USP31: variants seen among roughly 807,000 people sequenced by gnomAD.
USP31 encodes the protein ubiquitin carboxyl-terminal hydrolase 31.
Under a neutral mutation model 119.4 loss-of-function variants are expected in USP31, and 44 were observed. That is an observed-to-expected ratio of 0.37 (90% confidence interval 0.29 to 0.47). USP31 has a LOEUF of 0.47. Ranked by LOEUF, USP31 falls within the 20% of genes least tolerant of loss-of-function variation. The pLI is 0.99. For missense variants in USP31, 1,643 were observed against 1,730.2 expected (o/e 0.95, Z 0.89); for synonymous variants, 749 against 705.6 (o/e 1.06, Z -0.97).
intron 15 of USP31, among the ~76,000 whole-genome samples, chr16:23,071,677 C>T (rs1900351859): frequency 6.6e-6 from 1 of 151,996 alleles, no homozygotes; most frequent in Admixed American, 6.5e-5. Context: ...CGACTCCCCA[C>T]CACGTGGCCT....
At chr16:23,095,818 G>A (rs951375976) in intron 6 of USP31, among the ~76,000 whole-genome samples, 18 of 152,100 alleles carry the variant, frequency 1.2e-4, no homozygotes, top group African/African-American at 4.1e-4. Context: ...TCACCACCAG[G>A]CCTGCCTTAC....
At chr16:23,126,495 C>T (rs1285947267) in intron 1 of USP31, among the ~76,000 whole-genome samples, 1 of 150,498 alleles carries the variant, frequency 6.6e-6, no homozygotes, top group Non-Finnish European at 1.5e-5. Flanking sequence ...GGCATGGTGG[C>T]GGGCGCCTAT....
At chr16:23,110,910 C>T (rs1902293842) in intron 1 of USP31, among the ~76,000 whole-genome samples, 1 of 152,032 alleles carries the variant, frequency 6.6e-6, no homozygotes, top group Non-Finnish European at 1.5e-5. Context: ...GGGTGGATCA[C>T]GAGGTCAGGA....
At chr16:23,099,136 AC>A (rs1408772453) in intron 6 of USP31, among the ~76,000 whole-genome samples, 3 of 152,166 alleles carry the variant, frequency 2.0e-5, no homozygotes, top group Non-Finnish European at 4.4e-5. Context: ...GAAAAAAACA[AC>A]CCCATCAAAA....
At chr16:23,080,984 A>C (rs1236527147) in intron 12 of USP31, among the ~76,000 whole-genome samples, 3 of 152,220 alleles carry the variant, frequency 2.0e-5, no homozygotes, top group Non-Finnish European at 4.4e-5. Flanking sequence ...CAGTGCACAG[A>C]ACATGTTAGA....
At chr16:23,112,068 C>G (rs1902336099) in intron 1 of USP31, among the ~76,000 whole-genome samples, 1 of 152,102 alleles carries the variant, frequency 6.6e-6, no homozygotes, top group African/African-American at 2.4e-5. Flanking sequence ...GTCACTGACA[C>G]AACTTACTGA....
chr16:23,108,081 G>A lies in USP31; in HGVS notation c.736C>T (p.His246Tyr). 1 of 1,613,984 alleles carries A rather than the reference G, an allele frequency of 6.2e-7. No homozygotes were observed. Among genetic ancestry groups the A allele is most frequent in the Admixed American group, 1.7e-5 (1 of 59,976 alleles). ...LLDRVHEDLN[H>Y]SVKQSGQPPL... is the part of the protein sequence containing the mutation. ...GGCTGGCCACTCTGCTTCACTGAAT[G>A]GTTGAGGTCTTCATGAACTCGGTCC... is the stretch of plus-strand genomic sequence containing the variant. Residue 246 changes from histidine to tyrosine, a missense_variant, in exon 2 of 16, where the codon CAT (histidine) becomes TAT (tyrosine). His to Tyr is a moderately conservative substitution (Grantham distance 83, BLOSUM62 2). Coordinates refer to ENST00000219689, the MANE Select transcript of USP31 (RefSeq NM_020718.4).
In USP31 at chr16:23,072,188, C is replaced by T; in HGVS notation, c.2345G>A (p.Ser782Asn). The T allele has an allele frequency of 1.2e-6, 2 of 1,606,806 alleles. No homozygotes were observed. The highest frequency in any genetic ancestry group is 1.7e-6 in the Non-Finnish European group (2 of 1,179,870). The change falls in exon 15 of 16, where the codon AGT (serine) becomes AAT (asparagine). Residue 782 changes from serine to asparagine, a missense_variant. This residue lies in a region of USP31 where 279 missense variants were observed against 372.2 expected (regional missense o/e 0.75). Coordinates refer to ENST00000219689, the MANE Select transcript of USP31 (RefSeq NM_020718.4). ...SANSSVAGST[S>N]SSLCEHWVSR... Reference sequence around the variant, plus strand: ...CACCCAGTGTTCACACAGGGAAGAACTTGTGGAGCCTGCAGAGAAGAAAAC... The same window carrying T: ...CACCCAGTGTTCACACAGGGAAGAATTTGTGGAGCCTGCAGAGAAGAAAAC...
chr16:23,100,458 G>A (rs1596709882), intron 6 of USP31, among the ~76,000 whole-genome samples: 1 of 152,138 alleles, frequency 6.6e-6, no homozygotes, highest in East Asian at 1.9e-4. Context: ...GTCTAGACTA[G>A]GGAAATCTGT....
intron 6 of USP31, among the ~76,000 whole-genome samples, chr16:23,096,371 C>A (rs1901614533): frequency 6.6e-6 from 1 of 152,178 alleles, no homozygotes; most frequent in Non-Finnish European, 1.5e-5. Flanking sequence ...TACAAAGAGA[C>A]TTAGACTCCC....
chr16:23,101,515 A>G (rs1351795062), intron 6 of USP31, among the ~76,000 whole-genome samples: 3 of 152,192 alleles, frequency 2.0e-5, no homozygotes, highest in South Asian at 4.1e-4. Flanking sequence ...GAAAATCCTG[A>G]TAAGAGCGGC....
At chr16:23,082,599 C>T in intron 11 of USP31, 42 bp from the exon 12 acceptor site, 1 of 1,612,308 alleles carries the variant, frequency 6.2e-7, no homozygotes, top group Non-Finnish European at 8.5e-7. Flanking sequence ...CCACTTAATG[C>T]AAGACTGTGT....
chr16:23,148,890 C>G lies in USP31; in HGVS notation c.381G>C (p.Val127=), dbSNP rs752217619. The change falls in exon 1 of 16, where the codon GTG becomes GTC. Residue 127 remains valine (V), a synonymous_variant. Coordinates refer to ENST00000219689, the MANE Select transcript of USP31 (RefSeq NM_020718.4). Reference sequence around the variant, plus strand: ...TGTTGCCGTGGTTGCGGAGCCCCGCCACGCCGGGCACCGGCTCGGCGGCGC... The same window carrying G: ...TGTTGCCGTGGTTGCGGAGCCCCGCGACGCCGGGCACCGGCTCGGCGGCGC... The part of the protein sequence containing the change: ...PACAAEPVPG[V]AGLRNHGNTC... 1 of 1,450,640 alleles carries G rather than the reference C, an allele frequency of 6.9e-7. No homozygotes were observed. Among genetic ancestry groups the G allele is most frequent in the Admixed American group, 2.3e-5 (1 of 44,296 alleles). The allele number at this position is 1,450,640 out of a possible 1,614,324, so 89.9% of individuals were successfully genotyped here.
intron 4 of USP31, 112 bp from the exon 5 acceptor site, chr16:23,105,688 T>G: frequency 1.6e-6 from 2 of 1,232,542 alleles, no homozygotes; most frequent in Non-Finnish European, 2.1e-6. Context: ...TAACCCACAC[T>G]GTTACTCGGA....
intron 5 of USP31, among the ~76,000 whole-genome samples, chr16:23,102,961 T>C (rs937285946): frequency 2.6e-5 from 4 of 152,244 alleles, no homozygotes; most frequent in African/African-American, 9.6e-5. Flanking sequence ...ATGTAAATAC[T>C]GTGCCATGTT....
In USP31 at chr16:23,061,547, A is replaced by G. The variant is rs371057009; in HGVS notation, c.*6499T>C. ...GTAAAAATATAAATTCTGCTTCTTA[A>G]AAGTGCATACACTTTGAATAATAAA... On this transcript the variant is annotated 3_prime_UTR_variant, in exon 16 of 16. Coordinates refer to ENST00000219689, the MANE Select transcript of USP31 (RefSeq NM_020718.4). 5 of 152,802 alleles carry G rather than the reference A, an allele frequency of 3.3e-5. No homozygotes were observed. In the South Asian group the frequency reaches 6.2e-4, roughly 19 times the overall value. 9.5% of individuals were successfully genotyped at this position (152,802 alleles called of 1,614,324 possible).
intron 6 of USP31, among the ~76,000 whole-genome samples, chr16:23,096,326 A>G (rs1901612954): frequency 6.6e-6 from 1 of 151,700 alleles, no homozygotes; most frequent in Admixed American, 6.5e-5. Flanking sequence ...CCAATACAGG[A>G]GCACCCAGAT....
At chr16:23,137,378 T>C (rs1292386759) in intron 1 of USP31, among the ~76,000 whole-genome samples, 4 of 152,152 alleles carry the variant, frequency 2.6e-5, no homozygotes, top group African/African-American at 9.7e-5. Context: ...GGAAGATAGT[T>C]TGACAGTCCC....
Position 23,068,534 on chromosome 16 carries a change from CCCTGCCCTCCCCTGCTCGGGCCT to C in USP31, c.3548_3570del (p.Gln1183ArgfsTer32). ...GAGCTCCGCACGTGCTTCCCGGCCC[CCCTGCCCTCCCCTGCTCGGGCCT>C]GGCTCACCCGAGGGGAATTGGGTTT... On this transcript the variant is annotated frameshift_variant, in exon 16 of 16. Coordinates refer to ENST00000219689, the MANE Select transcript of USP31 (RefSeq NM_020718.4). LOFTEE classifies it high-confidence loss of function. The C allele has an allele frequency of 1.2e-6, 2 of 1,613,920 alleles. No homozygotes were observed. The highest frequency in any genetic ancestry group is 1.7e-6 in the Non-Finnish European group (2 of 1,179,944).
Sources: gnomAD v4.1 joint callset for allele counts (sites outside exome capture counted in the v4.1 genomes callset) on GRCh38, gnomAD v4.1.1 for gene constraint, gnomAD v4.1.1 regional missense constraint, MANE v1.5 for transcripts, NCBI Gene and HGNC (gene_info 2026-07-23, HGNC 2026-07-21) for gene names.